The following ARHGAP26 variants were observed in gnomAD, a reference collection of about 807,000 sequenced individuals.
ARHGAP26 encodes Rho GTPase activating protein 26, also known as rho GTPase-activating protein 26.
Under a neutral mutation model 104.8 loss-of-function variants are expected in ARHGAP26, and 38 were observed. The ratio of observed to expected loss-of-function variants is 0.36; its 90% CI spans 0.28 to 0.48. ARHGAP26 has a LOEUF of 0.48. Ranked by LOEUF, ARHGAP26 falls within the 20% of genes least tolerant of loss-of-function variation. The pLI is 0.99. For missense variants in ARHGAP26, 704 were observed against 947.9 expected, an observed-to-expected ratio of 0.74 and a Z score of 3.38; for synonymous variants, 341 against 340.0, an observed-to-expected ratio of 1.00 and a Z score of -0.03.
At chr5:142,984,993 A>G (rs1028165285) in intron 11 of ARHGAP26, among the ~76,000 whole-genome samples, 3 of 152,222 alleles carry the variant, frequency 2.0e-5, no homozygotes, top group Non-Finnish European at 4.4e-5. Context: ...CATTGTTATC[A>G]TAGACGACAG....
intron 1 of ARHGAP26, among the ~76,000 whole-genome samples, chr5:142,778,054 G>T (rs1277618232): frequency 2.0e-5 from 3 of 152,198 alleles, no homozygotes; most frequent in African/African-American, 7.2e-5. Flanking sequence ...GTGGGCTAGG[G>T]TGACAGCATC....
At chr5:143,003,995 G>A (rs1216608235) in intron 11 of ARHGAP26, among the ~76,000 whole-genome samples, 1 of 134,662 alleles carries the variant, frequency 7.4e-6, no homozygotes, top group Non-Finnish European at 1.5e-5. Context: ...GGGATGCCTC[G>A]TGGTCAGAAC....
At chr5:142,920,145 A>T (rs1763007564) in intron 10 of ARHGAP26, among the ~76,000 whole-genome samples, 1 of 152,244 alleles carries the variant, frequency 6.6e-6, no homozygotes, top group Non-Finnish European at 1.5e-5. Context: ...ATTGATCATT[A>T]CAAAATGTGT....
chr5:143,093,415 C>T (rs1791751346), intron 17 of ARHGAP26, among the ~76,000 whole-genome samples: 1 of 152,066 alleles, frequency 6.6e-6, no homozygotes, highest in Non-Finnish European at 1.5e-5. Context: ...CAGGAGAAGA[C>T]CTTCAATTAT....
chr5:143,180,717 G>T (rs258767), intron 20 of ARHGAP26, among the ~76,000 whole-genome samples: 1 of 151,860 alleles, frequency 6.6e-6, no homozygotes, highest in Non-Finnish European at 1.5e-5. Context: ...TCACTATCAC[G>T]GAGCATTCAC....
intron 11 of ARHGAP26, 63 bp downstream of exon 11, chr5:142,932,188 A>G: frequency 1.3e-6 from 2 of 1,482,290 alleles, no homozygotes; most frequent in Non-Finnish European, 1.9e-6. Flanking sequence ...TTGCTTCCCT[A>G]GTGCAGTGAT....
At position 142,984,286 on chromosome 5, in the gene ARHGAP26, G is replaced by A. The variant is rs192592917; in HGVS notation, c.1108-29794G>A. Reference sequence around the variant, plus strand: ...ACTGTGTCATATTCCTAAGAGGAGTGTGTGTTTTCAGCTGGGTAAAATCTT... The same window carrying A: ...ACTGTGTCATATTCCTAAGAGGAGTATGTGTTTTCAGCTGGGTAAAATCTT... On this transcript the variant is annotated intron_variant, in intron 11 of 22. Transcript: ENST00000645722. Among the ~76,000 whole-genome samples, 17 of 152,332 alleles carry A rather than the reference G, an allele frequency of 1.1e-4. No individual in the cohort carries two copies. In the East Asian group the frequency reaches 2.7e-3, roughly 24 times the overall value.
intron 1 of ARHGAP26, among the ~76,000 whole-genome samples, chr5:142,780,251 C>T (rs982931337): frequency 6.6e-6 from 1 of 151,700 alleles, no homozygotes; most frequent in Admixed American, 6.6e-5. Context: ...AACCATTCCC[C>T]TAATAATAAA....
chr5:142,831,963 A>T (rs1428808716), intron 1 of ARHGAP26, among the ~76,000 whole-genome samples: 1 of 151,918 alleles, frequency 6.6e-6, no homozygotes. Flanking sequence ...CTGCCGCCCC[A>T]TTACTCCTCC....
intron 18 of ARHGAP26, among the ~76,000 whole-genome samples, chr5:143,130,485 A>G (rs1253119122): frequency 1.3e-5 from 2 of 152,198 alleles, no homozygotes; most frequent in Admixed American, 1.3e-4. Flanking sequence ...TGTTCCAGCC[A>G]CATGGTAGAG....
intron 12 of ARHGAP26, among the ~76,000 whole-genome samples, chr5:143,018,215 A>G (rs1598650452): frequency 6.6e-6 from 1 of 152,254 alleles, no homozygotes; most frequent in East Asian, 1.9e-4. Flanking sequence ...TTTGATATGT[A>G]AAAAGTTCCT....
At chr5:143,087,636 CTTTTTTTT>C (rs35201189) in intron 17 of ARHGAP26, among the ~76,000 whole-genome samples, 43 of 51,566 alleles carry the variant, frequency 8.3e-4, no homozygotes, top group Admixed American at 3.6e-3. Context: ...CTGGCCCATT[CTTTTTTTT>C]TTTTTTTTTT....
intron 11 of ARHGAP26, among the ~76,000 whole-genome samples, chr5:142,995,103 G>A (rs1157585437): frequency 6.6e-6 from 1 of 152,156 alleles, no homozygotes; most frequent in African/African-American, 2.4e-5. Flanking sequence ...ACATAGGCAT[G>A]GGCAAAGACT....
chr5:143,090,258 G>T (rs113161367), intron 17 of ARHGAP26, among the ~76,000 whole-genome samples: 1 of 152,242 alleles, frequency 6.6e-6, no homozygotes, highest in East Asian at 1.9e-4. Context: ...GCCCATGCCC[G>T]GTTGACTGGA....
intron 17 of ARHGAP26, among the ~76,000 whole-genome samples, chr5:143,076,795 A>AT (rs1427855409): frequency 7.9e-5 from 12 of 152,226 alleles, no homozygotes; most frequent in African/African-American, 2.2e-4. Context: ...ATTCAATTTT[A>AT]TTTTTTTGAG....
chr5:143,083,050 C>T (rs1790039850), intron 17 of ARHGAP26, among the ~76,000 whole-genome samples: 1 of 151,244 alleles, frequency 6.6e-6, no homozygotes. Flanking sequence ...CCAAGAATCT[C>T]AGCCGAGTAT....
chr5:142,972,705 CATT>C (rs941293218), intron 11 of ARHGAP26, among the ~76,000 whole-genome samples: 6 of 152,144 alleles, frequency 3.9e-5, no homozygotes, highest in Admixed American at 3.3e-4. Flanking sequence ...ATGCAATACA[CATT>C]ATTAACTGTA....
chr5:142,806,185 T>A (rs960880958), intron 1 of ARHGAP26, among the ~76,000 whole-genome samples: 1 of 152,224 alleles, frequency 6.6e-6, no homozygotes, highest in African/African-American at 2.4e-5. Context: ...CTTGACCTTC[T>A]GAGCTCAAGT....
chr5:143,089,441 T>C (rs1791081482), intron 17 of ARHGAP26, among the ~76,000 whole-genome samples: 1 of 152,264 alleles, frequency 6.6e-6, no homozygotes, highest in African/African-American at 2.4e-5. Context: ...AGTTGTTGGC[T>C]AACTCATTGG....
Sources: allele counts gnomAD v4.1 joint callset (sites outside exome capture counted in the v4.1 genomes callset), GRCh38; gene constraint gnomAD v4.1.1; transcripts MANE v1.5; gene names NCBI Gene and HGNC (gene_info 2026-07-23, HGNC 2026-07-21).